Variants in ZNF138 observed in about 807,000 individuals in gnomAD.
ZNF138 encodes the protein zinc finger protein 138.
A neutral mutation model predicts 33.0 loss-of-function variants in ZNF138; 33 were observed. That is an observed-to-expected ratio of 1.00 (90% CI 0.76 to 1.34). The LOEUF is 1.34. Among genes scored for constraint, ZNF138 ranks in the 40% most tolerant of loss-of-function variants. The pLI is 0.00. For missense variants in ZNF138, 360 were observed against 370.8 expected, an observed-to-expected ratio of 0.97 and a Z score of 0.24; for synonymous variants, 139 against 120.4, an observed-to-expected ratio of 1.15 and a Z score of -1.01.
chr7:64,833,441 GTTGTCACACTTGA>G lies in ZNF138; in HGVS notation c.*1244_*1256del, dbSNP rs1323168044. 6.2e-6 allele frequency: 1 copy of G among 160,372 alleles called. No individual in the cohort carries two copies. The highest frequency in any genetic ancestry group is 6.2e-5 in the Admixed American group (1 of 16,188). 9.9% of individuals were successfully genotyped at this position (160,372 alleles called of 1,614,324 possible). A position where few individuals can be genotyped will look rare whatever the true frequency, so the allele number is the denominator to read the frequency against. On this transcript the variant is annotated 3_prime_UTR_variant, in exon 4 of 4. Coordinates refer to ENST00000307355, the MANE Select transcript of ZNF138 (RefSeq NM_001271639.2). ...AAGAATGTGACAAAGCCTTTAAATG[GTTGTCACACTTGA>G]TTGTAGGTAAGATAATTCATACTGG...
At position 64,832,583 on chromosome 7, in the gene ZNF138, C is replaced by T; in HGVS notation, c.*381C>T. 3.6e-6 allele frequency: 2 copies of T among 552,176 alleles called. No individual in the cohort carries two copies. The highest frequency in any genetic ancestry group is 3.3e-6 in the Non-Finnish European group (1 of 306,388). 34.2% of individuals were successfully genotyped at this position (552,176 alleles called of 1,614,324 possible). On this transcript the variant is annotated 3_prime_UTR_variant, in exon 4 of 4. Coordinates refer to ENST00000307355, the MANE Select transcript of ZNF138 (RefSeq NM_001271639.2). Reference sequence around the variant, plus strand: ...TAATTCACAGTGGAGAAAAACCCTACAAATGTGAAGAATGTGGCAAAGCTT... The same window carrying T: ...TAATTCACAGTGGAGAAAAACCCTATAAATGTGAAGAATGTGGCAAAGCTT...
the ZNF138 span, among the ~76,000 whole-genome samples, chr7:64,847,990 T>C: frequency 6.6e-6 from 1 of 152,180 alleles, no homozygotes; most frequent in Non-Finnish European, 1.5e-5. Flanking sequence ...TTGACGTGTT[T>C]CAAAGATGTG....
downstream of ZNF138, among the ~76,000 whole-genome samples, chr7:64,833,838 C>T (rs1383403327): frequency 6.6e-6 from 1 of 152,136 alleles, no homozygotes; most frequent in African/African-American, 2.4e-5. Context: ...AATTCTCCTG[C>T]CTGGGCCTCC....
At chr7:64,804,157 A>G (rs1021350874) in intron 1 of ZNF138, among the ~76,000 whole-genome samples, 2 of 152,240 alleles carry the variant, frequency 1.3e-5, no homozygotes. Flanking sequence ...AAAGGCAGAA[A>G]TGAAATCCAC....
the ZNF138 span, among the ~76,000 whole-genome samples, chr7:64,849,732 G>A: frequency 0.9 from 136,244 of 151,820 alleles, 61,283 homozygotes; most frequent in Non-Finnish European, 0.94. Context: ...GAAAGGGGGA[G>A]AGCCAGCAGT....
At chr7:64,842,578 A>G in the ZNF138 span, among the ~76,000 whole-genome samples, 1 of 152,156 alleles carries the variant, frequency 6.6e-6, no homozygotes, top group South Asian at 2.1e-4. Flanking sequence ...TTTTCTCTGG[A>G]AAAATTCTGG....
At chr7:64,844,640 G>A in the ZNF138 span, among the ~76,000 whole-genome samples, 2 of 151,020 alleles carry the variant, frequency 1.3e-5, no homozygotes. Flanking sequence ...GGAACAGGTG[G>A]TATTCAGTTA....
chr7:64,840,508 A>G, the ZNF138 span, among the ~76,000 whole-genome samples: 1 of 152,068 alleles, frequency 6.6e-6, no homozygotes, highest in Non-Finnish European at 1.5e-5. Context: ...ATACAGTCAT[A>G]TAATTTATGT....
At chr7:64,824,803 C>T (rs1045463595) in intron 3 of ZNF138, among the ~76,000 whole-genome samples, 12 of 151,896 alleles carry the variant, frequency 7.9e-5, no homozygotes, top group Non-Finnish European at 1.6e-4. Context: ...TTACTATTTG[C>T]ATAGAATAAA....
the ZNF138 span, among the ~76,000 whole-genome samples, chr7:64,840,666 A>G: frequency 6.6e-6 from 1 of 152,104 alleles, no homozygotes; most frequent in African/African-American, 2.4e-5. Flanking sequence ...AATAAAAATT[A>G]TTTACAAGTA....
At chr7:64,859,340 G>A in the ZNF138 span, among the ~76,000 whole-genome samples, 3 of 152,120 alleles carry the variant, frequency 2.0e-5, no homozygotes. Context: ...AAGAGATTCA[G>A]TTTAAAAAAG....
In ZNF138 at chr7:64,813,435, G is replaced by GT. The variant is rs1562902433; in HGVS notation, c.4-1483_4-1482insT. On this transcript the variant is annotated intron_variant, in intron 1 of 3. Coordinates refer to ENST00000307355, the MANE Select transcript of ZNF138 (RefSeq NM_001271639.2). ...TGTATCTTAAAGTTTGCATAAAAAT[G>GT]ATTTTTTTTTTTTTTTTTAATGGAG... Among the ~76,000 whole-genome samples the GT allele has an allele frequency of 6.2e-4, 81 of 130,316 alleles. No individual in the cohort carries two copies. The East Asian group carries it at 8.8e-3, about 14-fold the overall frequency. 85.5% of individuals were successfully genotyped at this position (130,316 alleles called of 152,430 possible).
At chr7:64,837,563 C>T (rs987462597), downstream of ZNF138, among the ~76,000 whole-genome samples, 14 of 152,060 alleles carry the variant, frequency 9.2e-5, no homozygotes, top group Non-Finnish European at 1.6e-4. Flanking sequence ...CCCAGAGCCA[C>T]GCGAGGGCAA....
the ZNF138 span, among the ~76,000 whole-genome samples, chr7:64,849,371 G>A: frequency 6.6e-6 from 1 of 152,152 alleles, no homozygotes; most frequent in Admixed American, 6.5e-5. Flanking sequence ...ACTCTGTTAA[G>A]GTCCTTAGTT....
rs569487373 is a variant in ZNF138, at chr7:64,794,443, G to A, written c.-126G>A. The A allele has an allele frequency of 1.9e-5, 26 of 1,384,432 alleles. No individual in the cohort carries two copies. The highest frequency in any genetic ancestry group is 1.0e-4 in the Admixed American group (6 of 57,558). 85.8% of individuals were successfully genotyped at this position (1,384,432 alleles called of 1,614,324 possible). On this transcript the variant is annotated 5_prime_UTR_variant, in exon 1 of 4. In the 5' UTR this introduces an upstream ATG that the reference lacks. Transcript: ENST00000307355. ...CGGGGTCTTTGTCTCGCTGCAGCGG[G>A]TGCTGCAGGTCTGGCCTTCACTTTT...
chr7:64,818,533 C>T (rs997777979), intron 3 of ZNF138, among the ~76,000 whole-genome samples: 32 of 151,828 alleles, frequency 2.1e-4, no homozygotes, highest in African/African-American at 4.6e-4. Context: ...GGGCAGATCA[C>T]GAGGCCAGGA....
At chr7:64,842,089 A>G in the ZNF138 span, among the ~76,000 whole-genome samples, 58 of 152,328 alleles carry the variant, frequency 3.8e-4, no homozygotes, top group Admixed American at 2.0e-4. Flanking sequence ...TATGAAATGG[A>G]ATCTTGCTCT....
chr7:64,808,326 A>T (rs1474261573), intron 1 of ZNF138, among the ~76,000 whole-genome samples: 1 of 152,202 alleles, frequency 6.6e-6, no homozygotes, highest in Non-Finnish European at 1.5e-5. Flanking sequence ...GGAGACCCAA[A>T]GGGATAAACT....
chr7:64,817,981 T>TTTA (rs200963084), intron 3 of ZNF138, among the ~76,000 whole-genome samples: 11 of 146,048 alleles, frequency 7.5e-5, no homozygotes, highest in South Asian at 6.5e-4. Context: ...AATAACATTA[T>TTTA]TTATTATTAT....
Sources: allele counts gnomAD v4.1 joint callset (sites outside exome capture counted in the v4.1 genomes callset), GRCh38; gene constraint gnomAD v4.1.1; transcripts MANE v1.5; gene names NCBI Gene and HGNC (gene_info 2026-07-23, HGNC 2026-07-21).